Variants in PXDN observed in about 807,000 individuals in gnomAD.
The protein encoded by PXDN is peroxidasin homolog.
A neutral mutation model predicts 140.3 loss-of-function variants in PXDN; 77 were observed. The ratio of observed to expected loss-of-function variants is 0.55; its 90% confidence interval spans 0.46 to 0.66. PXDN has a LOEUF of 0.66. PXDN is among the 30% of genes least tolerant of loss of function. PXDN has a pLI of 0.00. For missense variants in PXDN, 1,838 were observed against 2,039.5 expected, an observed-to-expected ratio of 0.90 and a Z score of 1.90; for synonymous variants, 911 against 857.4, an observed-to-expected ratio of 1.06 and a Z score of -1.09.
intron 22 of PXDN, 61 bp from the exon 23 acceptor site, chr2:1,634,384 C>T (rs1454501786): frequency 6.6e-7 from 1 of 1,512,858 alleles, no homozygotes; most frequent in Non-Finnish European, 8.9e-7. Context: ...GTGAGCAAAG[C>T]CTGTCAGCTC....
At chr2:1,635,661 C>T in intron 21 of PXDN, 140 bp from the exon 22 acceptor site, 1 of 733,944 alleles carries the variant, frequency 1.4e-6, no homozygotes, top group Non-Finnish European at 2.4e-6. Context: ...AGAACTTTTA[C>T]AGAATCTCCA....
chr2:1,725,925 G>A (rs7574194), intron 1 of PXDN, among the ~76,000 whole-genome samples: 110,751 of 149,158 alleles, frequency 0.74, 41,384 homozygotes, highest in East Asian at 0.94. Context: ...AAGTCAGGAA[G>A]CAACAGGTGC....
At position 1,660,840 on chromosome 2, in the gene PXDN, G is replaced by A. The variant is rs1256958134; in HGVS notation, c.1837+41C>T. On this transcript the variant is annotated intron_variant, in intron 14 of 22. Coordinates refer to ENST00000252804, the MANE Select transcript of PXDN (RefSeq NM_012293.3). This position sits in a 1 kb window ranked among gnomAD's most constrained non-coding sequence, Gnocchi z 4.6. ...CACTAGGGACCTGCGGGCTTTCTTTGTGGATACCATGTGGGTAGATGTGGG... is the reference window on the plus strand; with the variant it reads ...CACTAGGGACCTGCGGGCTTTCTTTATGGATACCATGTGGGTAGATGTGGG... The A allele has an allele frequency of 1.3e-6, 2 of 1,581,558 alleles. No homozygotes were observed. The highest frequency in any genetic ancestry group is 1.7e-6 in the Non-Finnish European group (2 of 1,160,522).
At chr2:1,722,567 G>C (rs1685078157) in intron 1 of PXDN, among the ~76,000 whole-genome samples, 2 of 152,276 alleles carry the variant, frequency 1.3e-5, no homozygotes, top group South Asian at 4.1e-4. Context: ...AGAACTCTGA[G>C]GAACTTCCCA....
chr2:1,732,356 G>A (rs111882587), intron 1 of PXDN, among the ~76,000 whole-genome samples: 19 of 152,274 alleles, frequency 1.2e-4, no homozygotes, highest in Non-Finnish European at 2.6e-4. Flanking sequence ...GCCCTGAGCT[G>A]CACAAACTGC....
chr2:1,677,041 C>T lies in PXDN; in HGVS notation c.734G>A (p.Arg245Lys). The change falls in exon 8 of 23, where the codon AGG (arginine) becomes AAG (lysine). Residue 245 changes from arginine to lysine, a missense_variant. By Grantham distance (26) the Arg-to-Lys change is conservative. Transcript: ENST00000252804. ...CTGGGGCTCGGAGGTGATCCGGGGC[C>T]TTTCTGTGCCCAACCAGAAAATGGA... Reference protein sequence around the residue: ...TITPEELNCERPRITSEPQDA... With the variant: ...TITPEELNCEKPRITSEPQDA... 6.3e-7 allele frequency: 1 copy of T among 1,593,402 alleles called. No homozygotes were observed. The highest frequency in any genetic ancestry group is 8.6e-7 in the Non-Finnish European group (1 of 1,166,808).
At position 1,744,262 on chromosome 2, in the gene PXDN, G is replaced by A; in HGVS notation, c.194C>T (p.Ser65Phe). The A allele has an allele frequency of 1.3e-6, 2 of 1,515,204 alleles. No homozygotes were observed. Among genetic ancestry groups the A allele is most frequent in the African/African-American group, 1.4e-5 (1 of 70,494 alleles). 93.9% of individuals were successfully genotyped at this position (1,515,204 alleles called of 1,614,324 possible). Residue 65 changes from serine (S) to phenylalanine (F), a missense_variant, in exon 1 of 23, where the codon TCC becomes TTC. By Grantham distance (155) the Ser-to-Phe change is radical. This residue lies in a region of PXDN where 231 missense variants were observed against 201.5 expected (regional missense o/e 1.15). Transcript: ENST00000252804. ...EAVPAVAPQT[S>F]ILDLRFNRIR... ...CGTCCCCCGCGGCACTCACAGGATG[G>A]AGGTCTGCGGCGCCACGGCGGGCAC...
At chr2:1,656,306 C>T (rs1277872752) in intron 14 of PXDN, among the ~76,000 whole-genome samples, 1 of 152,200 alleles carries the variant, frequency 6.6e-6, no homozygotes, top group African/African-American at 2.4e-5. Flanking sequence ...TTCCAACCAA[C>T]TTTTATTTTT....
intron 14 of PXDN, among the ~76,000 whole-genome samples, chr2:1,658,041 TC>T (rs1388689115): frequency 1.3e-5 from 1 of 77,148 alleles, no homozygotes; most frequent in Non-Finnish European, 2.6e-5. Flanking sequence ...TCTCTCTCTC[TC>T]TCTCTCTCTC....
intron 1 of PXDN, among the ~76,000 whole-genome samples, chr2:1,705,036 G>T (rs1187916590): frequency 6.6e-6 from 1 of 152,094 alleles, no homozygotes; most frequent in Non-Finnish European, 1.5e-5. Context: ...AAAATTAACT[G>T]AAGTTACAGA....
intron 1 of PXDN, among the ~76,000 whole-genome samples, chr2:1,743,420 G>A (rs908309906): frequency 1.3e-5 from 2 of 152,094 alleles, no homozygotes; most frequent in Non-Finnish European, 2.9e-5. Flanking sequence ...CCGGCCGCCC[G>A]GCTCGCTCCG....
intron 21 of PXDN, among the ~76,000 whole-genome samples, chr2:1,638,298 C>T (rs12714332): frequency 0.76 from 116,103 of 151,982 alleles, 45,606 homozygotes; most frequent in East Asian, 0.99. Context: ...CTGAAGAAAG[C>T]AGAAGTAAGT....
At position 1,639,261 on chromosome 2, in the gene PXDN, G is replaced by A; in HGVS notation, c.4073+41C>T. 5 of 1,590,818 alleles carry A rather than the reference G, an allele frequency of 3.1e-6. No individual in the cohort carries two copies. Among genetic ancestry groups the A allele is most frequent in the Non-Finnish European group, 4.3e-6 (5 of 1,168,268 alleles). Reference sequence around the variant, plus strand: ...CTACTGCCCGACGCCCGCGGTGCGAGGGCCCCTCTGCACATCATTTGACCT... The same window carrying A: ...CTACTGCCCGACGCCCGCGGTGCGAAGGCCCCTCTGCACATCATTTGACCT... On this transcript the variant is annotated intron_variant, in intron 20 of 22. Transcript: ENST00000252804. The surrounding 1 kb of genome is among the most constrained non-coding windows in gnomAD (Gnocchi z 5.0).
rs1246288003 is a variant in PXDN at position 1,663,592 on chromosome 2, T to A, written c.1567+13A>T. On this transcript the variant is annotated intron_variant, in intron 12 of 22. Transcript: ENST00000252804. ...GAGAAAATCAATTCAGTCCACAACC[T>A]CCTGGCACCTACCTCTGGGCTGCAC... is the stretch of plus-strand genomic sequence containing the variant. The A allele has an allele frequency of 1.9e-6, 3 of 1,613,604 alleles. No homozygotes were observed. In the South Asian group the frequency reaches 3.3e-5, roughly 18 times the overall value.
At chr2:1,740,957 C>T (rs1685529862) in intron 1 of PXDN, among the ~76,000 whole-genome samples, 1 of 152,188 alleles carries the variant, frequency 6.6e-6, no homozygotes, top group Non-Finnish European at 1.5e-5. Flanking sequence ...CAGACCCCTC[C>T]AATGTCAGGG....
chr2:1,653,460 G>C (rs1283636654), intron 16 of PXDN, 168 bp downstream of exon 16: 1 of 1,032,272 alleles, frequency 9.7e-7, no homozygotes, highest in African/African-American at 1.6e-5. Flanking sequence ...AGAGCGACAG[G>C]GCTGTAGGGC....
At chr2:1,647,538 C>A (rs1682877381) in intron 17 of PXDN, among the ~76,000 whole-genome samples, 1 of 152,238 alleles carries the variant, frequency 6.6e-6, no homozygotes, top group Admixed American at 6.5e-5. Flanking sequence ...GTGACAGCGT[C>A]CCATTTTGCC....
intron 11 of PXDN, 51 bp downstream of exon 11, chr2:1,664,907 C>T (rs1400334395): frequency 4.2e-6 from 6 of 1,438,116 alleles, no homozygotes; most frequent in East Asian, 2.4e-5. Context: ...TGTGTGCTTC[C>T]TGCGTCTGTG....
At chr2:1,637,024 G>GC (rs1682577239) in intron 21 of PXDN, 1 of 152,284 alleles carries the variant, frequency 6.6e-6, no homozygotes, top group African/African-American at 2.4e-5. Flanking sequence ...CCAGGGAGCT[G>GC]CCCGTTCATC....
Sources: gnomAD v4.1 joint callset for allele counts (sites outside exome capture counted in the v4.1 genomes callset) on GRCh38, gnomAD v4.1.1 for gene constraint, gnomAD v4.1.1 regional missense constraint, Gnocchi (gnomAD v3.1) non-coding constraint, MANE v1.5 for transcripts, NCBI Gene and HGNC (gene_info 2026-07-23, HGNC 2026-07-21) for gene names.